HIVEP3: variants seen among roughly 807,000 people sequenced by gnomAD.
HIVEP3 encodes the protein HIVEP zinc finger 3, also known as transcription factor HIVEP3.
Under a neutral mutation model 152.8 loss-of-function variants are expected in HIVEP3, and 49 were observed. The ratio of observed to expected loss-of-function variants is 0.32; its 90% confidence interval spans 0.26 to 0.41. HIVEP3 has a LOEUF of 0.41. HIVEP3 is among the 10% of genes least tolerant of loss of function. HIVEP3 has a pLI of 1.00. For synonymous variants in HIVEP3, 1,269 were observed against 1,289.0 expected (o/e 0.98, Z 0.33); for missense variants, 2,790 against 3,103.3 (o/e 0.90, Z 2.40).
intron 1 of HIVEP3, among the ~76,000 whole-genome samples, chr1:41,707,561 T>C (rs1646452960): frequency 6.6e-6 from 1 of 152,070 alleles, no homozygotes; most frequent in Non-Finnish European, 1.5e-5. Flanking sequence ...AGAGGACAAA[T>C]GTGTGAACCA....
chr1:41,575,570 C>G lies in HIVEP3; in HGVS notation c.5181G>C (p.Pro1727=), dbSNP rs753210157. Residue 1727 remains proline (P), a synonymous_variant, in exon 5 of 9, where the codon CCG becomes CCC. Coordinates refer to ENST00000372583, the MANE Select transcript of HIVEP3 (RefSeq NM_024503.5). ...CTCCTTCGAAGATTTTGATCCTCGC[C>G]GGCTCCCCTCTCTGGGAGGCAGGAG... ...EDAPASQRGE[P]ARIKIFEGGY... is the part of the protein sequence containing the mutation. The G allele has an allele frequency of 1.9e-6, 3 of 1,614,100 alleles. No homozygotes were observed. The highest frequency in any genetic ancestry group is 2.5e-6 in the Non-Finnish European group (3 of 1,180,012).
At position 41,580,166 on chromosome 1, in the gene HIVEP3, T is replaced by A; in HGVS notation, c.4632A>T (p.Arg1544Ser). 1.2e-6 allele frequency: 2 copies of A among 1,613,026 alleles called. No homozygotes were observed. The highest frequency in any genetic ancestry group is 1.7e-6 in the Non-Finnish European group (2 of 1,179,344). Residue 1544 changes from arginine (R) to serine (S), a missense_variant, in exon 4 of 9, where the codon AGA becomes AGT. By Grantham distance (110) the Arg-to-Ser change is moderately radical. Coordinates refer to ENST00000372583, the MANE Select transcript of HIVEP3 (RefSeq NM_024503.5). The stretch of plus-strand genomic sequence containing the variant: ...TCTTCACGCTCAGTGGGGTCAACCC[T>A]CTTCGGTGAGGTTTGCCAGATGGCT... The part of the protein sequence containing the change: ...YPQPSGKPHR[R>S]GLTPLSVKKE...
intron 3 of HIVEP3, among the ~76,000 whole-genome samples, chr1:41,616,803 T>G (rs1459152338): frequency 6.6e-6 from 1 of 152,172 alleles, no homozygotes; most frequent in Non-Finnish European, 1.5e-5. Context: ...TCCTCAGCAC[T>G]CGGCCTTCCT....
chr1:41,687,779 C>T (rs1288391918), intron 2 of HIVEP3, among the ~76,000 whole-genome samples: 2 of 152,230 alleles, frequency 1.3e-5, no homozygotes, highest in African/African-American at 4.8e-5. Context: ...TAAAACAATT[C>T]CCATATCTGT....
At chr1:41,985,102 T>C (rs997697203) in intron 1 of HIVEP3, among the ~76,000 whole-genome samples, 4 of 151,966 alleles carry the variant, frequency 2.6e-5, no homozygotes, top group Admixed American at 2.6e-4. Flanking sequence ...AGTTGAGATA[T>C]GAAGGGTGGG....
intron 1 of HIVEP3, among the ~76,000 whole-genome samples, chr1:41,728,517 T>C (rs1057028968): frequency 3.9e-5 from 6 of 151,920 alleles, no homozygotes; most frequent in Admixed American, 6.5e-5. Context: ...GGGGACAGCA[T>C]GAGCAAATGT....
At chr1:41,571,680 G>T (rs78105866) in intron 5 of HIVEP3, among the ~76,000 whole-genome samples, 3,632 of 152,266 alleles carry the variant, frequency 0.024, 161 homozygotes, top group African/African-American at 0.084. Flanking sequence ...GATTTGGGAG[G>T]CTCGTTAGAG....
chr1:41,706,313 G>A (rs1455784407), intron 1 of HIVEP3, among the ~76,000 whole-genome samples: 5 of 152,014 alleles, frequency 3.3e-5, no homozygotes, highest in South Asian at 2.1e-4. Flanking sequence ...TTTTTGAGAC[G>A]GAGTCTTGCT....
intron 1 of HIVEP3, among the ~76,000 whole-genome samples, chr1:41,845,411 A>ACACACG (rs1643411584): frequency 3.1e-5 from 3 of 96,654 alleles, no homozygotes; most frequent in African/African-American, 1.7e-4. Flanking sequence ...CTATACACAC[A>ACACACG]CACACACGCA....
At chr1:42,029,581 C>T (rs554017469) in intron 1 of HIVEP3, among the ~76,000 whole-genome samples, 1 of 152,322 alleles carries the variant, frequency 6.6e-6, no homozygotes, top group African/African-American at 2.4e-5. Context: ...CTAATGCCAT[C>T]TACACCTCTT....
intron 1 of HIVEP3, among the ~76,000 whole-genome samples, chr1:41,913,083 A>G (rs937176331): frequency 6.6e-6 from 1 of 152,230 alleles, no homozygotes; most frequent in Non-Finnish European, 1.5e-5. Flanking sequence ...CCCCATCCCA[A>G]GATGCCACCA....
intron 1 of HIVEP3, among the ~76,000 whole-genome samples, chr1:41,737,430 G>T (rs765432627): frequency 3.3e-5 from 5 of 152,148 alleles, no homozygotes; most frequent in African/African-American, 4.8e-5. Flanking sequence ...TCTCTGCCAT[G>T]AAGGGTCCCT....
At chr1:41,941,438 C>T (rs900937135) in intron 1 of HIVEP3, among the ~76,000 whole-genome samples, 8 of 152,178 alleles carry the variant, frequency 5.3e-5, no homozygotes, top group Middle Eastern at 6.8e-3. Context: ...TTCCATCACA[C>T]TACAGAGAAG....
intron 1 of HIVEP3, among the ~76,000 whole-genome samples, chr1:41,827,320 T>C (rs1318949120): frequency 6.6e-6 from 1 of 152,242 alleles, no homozygotes; most frequent in Non-Finnish European, 1.5e-5. Flanking sequence ...ACAGTTTTTG[T>C]GAATCAGTTT....
intron 5 of HIVEP3, among the ~76,000 whole-genome samples, chr1:41,529,288 G>C (rs1569767997): frequency 6.0e-5 from 2 of 33,106 alleles, no homozygotes; most frequent in Admixed American, 4.0e-4. Flanking sequence ...ACCCCCCACT[G>C]ACACACCCTC....
chr1:41,985,014 C>A (rs1033802229), intron 1 of HIVEP3, among the ~76,000 whole-genome samples: 3 of 151,348 alleles, frequency 2.0e-5, no homozygotes, highest in Admixed American at 1.3e-4. Context: ...AGAATGGCAG[C>A]GAAGGCCCTT....
chr1:41,561,830 T>G (rs1345478438), intron 5 of HIVEP3, among the ~76,000 whole-genome samples: 2 of 152,176 alleles, frequency 1.3e-5, no homozygotes, highest in Non-Finnish European at 2.9e-5. Context: ...TCATTGTTAC[T>G]GTGCATGGGT....
intron 1 of HIVEP3, among the ~76,000 whole-genome samples, chr1:41,929,174 C>T (rs1044808045): frequency 1.3e-5 from 2 of 152,148 alleles, no homozygotes; most frequent in African/African-American, 4.8e-5. Flanking sequence ...CTCCACTTCT[C>T]TCTATTTATT....
intron 1 of HIVEP3, among the ~76,000 whole-genome samples, chr1:41,821,270 C>T (rs72961283): frequency 0.012 from 1,775 of 152,300 alleles, 31 homozygotes; most frequent in African/African-American, 0.04. Context: ...TCTTCTCAGG[C>T]AGGTCTTAGA....
Sources: gnomAD v4.1 joint callset for allele counts (sites outside exome capture counted in the v4.1 genomes callset) on GRCh38, gnomAD v4.1.1 for gene constraint, MANE v1.5 for transcripts, NCBI Gene and HGNC (gene_info 2026-07-23, HGNC 2026-07-21) for gene names.